ADIPOR2: variants seen among roughly 807,000 people sequenced by gnomAD.
ADIPOR2 encodes the protein adiponectin receptor 2, also known as adiponectin receptor protein 2.
Under a neutral mutation model 40.9 loss-of-function variants are expected in ADIPOR2, and 18 were observed. The observed-to-expected ratio is 0.44, with a 90% CI of 0.30 to 0.65. The LOEUF (loss-of-function observed/expected upper bound fraction) is 0.65. ADIPOR2 is among the 30% of genes least tolerant of loss of function. The pLI, the probability that ADIPOR2 is intolerant of heterozygous loss-of-function variation, is 0.09. For synonymous variants in ADIPOR2, 165 were observed against 166.4 expected (o/e 0.99, Z 0.06); for missense variants, 283 against 479.2 (o/e 0.59, Z 3.82).
chr12:1,742,990 T>C (rs2094746135), intron 1 of ADIPOR2, among the ~76,000 whole-genome samples: 2 of 152,006 alleles, frequency 1.3e-5, no homozygotes, highest in South Asian at 4.1e-4. Context: ...AGTTGCTGGG[T>C]TTAGTTATGC....
intron 2 of ADIPOR2, chr12:1,772,610 G>A (rs781641210): frequency 8.2e-6 from 3 of 367,198 alleles, no homozygotes; most frequent in Non-Finnish European, 1.4e-5. Context: ...TACTGAAACA[G>A]AGATGCTGCT....
chr12:1,749,832 GTTTTTTTT>G (rs57852014), intron 1 of ADIPOR2, among the ~76,000 whole-genome samples: 1 of 119,238 alleles, frequency 8.4e-6, no homozygotes, highest in Non-Finnish European at 1.7e-5. Context: ...TATTTGTTTA[GTTTTTTTT>G]TTTTTTTTTT....
chr12:1,770,486 C>T (rs113444444), intron 2 of ADIPOR2, among the ~76,000 whole-genome samples: 1 of 152,034 alleles, frequency 6.6e-6, no homozygotes, highest in African/African-American at 2.4e-5. Flanking sequence ...ATTTTAAAAT[C>T]GGTCTGCTAT....
At chr12:1,757,758 G>C in intron 2 of ADIPOR2, 1 of 1,137,364 alleles carries the variant, frequency 8.8e-7, no homozygotes, top group Non-Finnish European at 1.3e-6. Flanking sequence ...TGACATCCAT[G>C]AATCCAGCAG....
At chr12:1,762,779 T>G (rs1862297166) in intron 2 of ADIPOR2, among the ~76,000 whole-genome samples, 1 of 152,220 alleles carries the variant, frequency 6.6e-6, no homozygotes, top group African/African-American at 2.4e-5. Flanking sequence ...ATGAGGAAAC[T>G]GAGGTTTCAT....
At chr12:1,726,824 C>T (rs1021024471) in intron 1 of ADIPOR2, among the ~76,000 whole-genome samples, 11 of 152,168 alleles carry the variant, frequency 7.2e-5, no homozygotes, top group African/African-American at 2.2e-4. Flanking sequence ...ATTTCATACT[C>T]CATTTCCAAA....
intron 1 of ADIPOR2, among the ~76,000 whole-genome samples, chr12:1,749,367 T>A (rs1592609469): frequency 6.6e-6 from 1 of 152,284 alleles, no homozygotes; most frequent in East Asian, 1.9e-4. Context: ...AGGGGAACAT[T>A]AAGTGTGGAA....
At chr12:1,756,437 A>G (rs1440235797) in intron 2 of ADIPOR2, among the ~76,000 whole-genome samples, 1 of 148,002 alleles carries the variant, frequency 6.8e-6, no homozygotes, top group East Asian at 2.0e-4. Context: ...AGCGTGAGCC[A>G]CTGTGCCTGG....
At chr12:1,727,756 A>G (rs2094710872) in intron 1 of ADIPOR2, among the ~76,000 whole-genome samples, 1 of 151,898 alleles carries the variant, frequency 6.6e-6, no homozygotes, top group South Asian at 2.1e-4. Flanking sequence ...GCACCAGGGC[A>G]ACTTCTGAAC....
intron 1 of ADIPOR2, among the ~76,000 whole-genome samples, chr12:1,734,072 C>T (rs146935748): frequency 0.022 from 3,275 of 152,200 alleles, 60 homozygotes; most frequent in Non-Finnish European, 0.031. Context: ...AATAAACATA[C>T]GTTTGCGTGT....
rs2094666491 is a variant in ADIPOR2, at chr12:1,707,781, A to AT, written c.-87+16595dup. On this transcript the variant is annotated intron_variant, in intron 1 of 7. Transcript: ENST00000357103. The stretch of plus-strand genomic sequence containing the variant: ...AGCCACCATGCCTTGCCTTATTTGC[A>AT]TTTTTCTGATAGCAAATGATGTTGA... Among the ~76,000 whole-genome samples the AT allele has an allele frequency of 2.6e-5, 4 of 152,106 alleles. No individual in the cohort carries two copies. In the South Asian group the frequency reaches 8.3e-4, roughly 32 times the overall value.
At chr12:1,779,188 T>TA (rs1389342781) in intron 4 of ADIPOR2, among the ~76,000 whole-genome samples, 1 of 152,180 alleles carries the variant, frequency 6.6e-6, no homozygotes, top group Non-Finnish European at 1.5e-5. Flanking sequence ...CCAAGATGAC[T>TA]GAAAACATGT....
At chr12:1,757,135 C>A in intron 2 of ADIPOR2, 2 of 257,760 alleles carry the variant, frequency 7.8e-6, no homozygotes, top group Admixed American at 5.0e-5. Flanking sequence ...TTCAGGCTAG[C>A]CAATTTGAGA....
intron 2 of ADIPOR2, among the ~76,000 whole-genome samples, chr12:1,768,515 A>T (rs2154444032): frequency 6.6e-6 from 1 of 152,322 alleles, no homozygotes; most frequent in South Asian, 2.1e-4. Context: ...TGGAAGACAG[A>T]GACTATGTTT....
At chr12:1,719,042 C>G (rs886491290) in intron 1 of ADIPOR2, among the ~76,000 whole-genome samples, 3 of 152,112 alleles carry the variant, frequency 2.0e-5, no homozygotes, top group Non-Finnish European at 4.4e-5. Flanking sequence ...TCGAGAATGC[C>G]TGTTAAAAAT....
intron 5 of ADIPOR2, 102 bp downstream of exon 5, chr12:1,780,739 C>A: frequency 7.2e-7 from 1 of 1,394,962 alleles, no homozygotes; most frequent in Non-Finnish European, 9.6e-7. Context: ...TCATCTCATG[C>A]AAACTTTTTT....
intron 1 of ADIPOR2, among the ~76,000 whole-genome samples, 160 bp from the exon 2 acceptor site, chr12:1,754,098 G>T (rs575113378): frequency 3.8e-4 from 58 of 152,240 alleles, no homozygotes; most frequent in African/African-American, 1.4e-3. Context: ...TTTAAAAAGA[G>T]ATTTTTGGCT....
Position 1,737,337 on chromosome 12 carries a change from T to G in ADIPOR2, c.-86-16921T>G, listed in dbSNP as rs931350305. Among the ~76,000 whole-genome samples the G allele has an allele frequency of 3.6e-5, 5 of 138,460 alleles. No individual in the cohort carries two copies. In the East Asian group the frequency reaches 1.1e-3, roughly 30 times the overall value. The allele number at this position is 138,460 out of a possible 152,430, so 90.8% of individuals were successfully genotyped here. On this transcript the variant is annotated intron_variant, in intron 1 of 7. Coordinates refer to ENST00000357103, the MANE Select transcript of ADIPOR2 (RefSeq NM_024551.3). ...AGACTGAAGTTATTTGTGGGGTTTT[T>G]TGTTGTTGTTTTTTTTCTTACAGTA...
At chr12:1,754,636 A>C in intron 2 of ADIPOR2, 122 bp downstream of exon 2, 1 of 937,612 alleles carries the variant, frequency 1.1e-6, no homozygotes, top group African/African-American at 1.7e-5. Context: ...GTAAGAAGGA[A>C]ACTTGCACAT....
Sources: gnomAD v4.1 joint callset for allele counts (sites outside exome capture counted in the v4.1 genomes callset) on GRCh38, gnomAD v4.1.1 for gene constraint, MANE v1.5 for transcripts, NCBI Gene and HGNC (gene_info 2026-07-23, HGNC 2026-07-21) for gene names.